The following PTPN9 variants were observed in gnomAD, a reference collection of about 807,000 sequenced individuals.
PTPN9 encodes the protein tyrosine-protein phosphatase non-receptor type 9.
Under a neutral mutation model 69.8 loss-of-function variants are expected in PTPN9, and 26 were observed. That is an observed-to-expected ratio of 0.37 (90% confidence interval 0.27 to 0.52). PTPN9 has a LOEUF of 0.52. Among genes scored for constraint, PTPN9 ranks in the 20% least tolerant of loss-of-function variants. The probability of loss-of-function intolerance (pLI) is 0.91; values close to 1 mark genes in which losing one functional copy is unlikely to be tolerated. For synonymous variants in PTPN9, 274 were observed against 272.5 expected (o/e 1.01, Z -0.05); for missense variants, 549 against 740.3 (o/e 0.74, Z 3.00).
rs2141312909 is a variant in PTPN9 at position 75,508,904 on chromosome 15, A to G, written c.639+13T>C. The G allele has an allele frequency of 6.3e-7, 1 of 1,594,010 alleles. No homozygotes were observed. The highest frequency in any genetic ancestry group is 8.6e-7 in the Non-Finnish European group (1 of 1,162,872). On this transcript the variant is annotated intron_variant, in intron 6 of 12. Transcript: ENST00000618819. The stretch of plus-strand genomic sequence containing the variant: ...TATTCACCTCCAGATAAAAAAGGGC[A>G]AGCTTGCCTTACCCTCTCCCGGACT...
rs779982140 is a variant in PTPN9 at position 75,473,754 on chromosome 15, A to T, written c.1143T>A (p.Asn381Lys). 1 of 1,576,576 alleles carries T rather than the reference A, an allele frequency of 6.3e-7. No homozygotes were observed. The highest frequency in any genetic ancestry group is 8.7e-7 in the Non-Finnish European group (1 of 1,145,870). ...CCATGAGCCAGAAATCACGATAGGT[A>T]TTCTCCAAAGGACCTGAAATAAAAG... The part of the protein sequence containing the change: ...AYIGTQGPLE[N>K]TYRDFWLMVW... Residue 381 changes from asparagine (N) to lysine (K), a missense_variant, in exon 10 of 13, where the codon AAT becomes AAA. Asn to Lys is a moderately conservative substitution (Grantham distance 94). Coordinates refer to ENST00000618819, the MANE Select transcript of PTPN9 (RefSeq NM_002833.4).
At chr15:75,496,498 CTTTT>C (rs34799690) in intron 7 of PTPN9, among the ~76,000 whole-genome samples, 3 of 146,688 alleles carry the variant, frequency 2.0e-5, no homozygotes, top group Non-Finnish European at 3.0e-5. Context: ...GTATTATTAA[CTTTT>C]TTTTTTTTTT....
At chr15:75,559,735 C>A (rs1469336039) in intron 1 of PTPN9, among the ~76,000 whole-genome samples, 11 of 148,230 alleles carry the variant, frequency 7.4e-5, no homozygotes, top group Admixed American at 5.4e-4. Context: ...CCTGCCAAAT[C>A]CCCCTCTGCG....
At position 75,578,816 on chromosome 15, in the gene PTPN9, G is replaced by T. The variant is rs954566037; in HGVS notation, c.-40C>A. 2,468 of 1,192,620 alleles carry T rather than the reference G, an allele frequency of 2.1e-3. 6 individuals carry two copies. The highest frequency in any genetic ancestry group is 2.4e-3 in the Non-Finnish European group (2,270 of 959,738). 73.9% of individuals were successfully genotyped at this position (1,192,620 alleles called of 1,614,324 possible). A position where few individuals can be genotyped will look rare whatever the true frequency, so the allele number is the denominator to read the frequency against. On this transcript the variant is annotated 5_prime_UTR_variant, in exon 1 of 13. Transcript: ENST00000618819. ...CGCCGGGCGGACAAAACTCGCTCGC[G>T]AGCGCGGGAGCCCGGCGCGCTCGGC...
At chr15:75,568,674 G>GA (rs112208881) in intron 1 of PTPN9, among the ~76,000 whole-genome samples, 29,220 of 138,774 alleles carry the variant, frequency 0.21, 3,256 homozygotes, top group Non-Finnish European at 0.27. Context: ...CATCTCTTTA[G>GA]AAAAAAAAAA....
chr15:75,491,386 A>G lies in PTPN9; in HGVS notation c.969-1085T>C, dbSNP rs368892823. ...CCACTGCACTCCAGCCTGAGTGACAAAGCAAGACTTTATCTCAAAAAAAAA... is the reference window on the plus strand; with the variant it reads ...CCACTGCACTCCAGCCTGAGTGACAGAGCAAGACTTTATCTCAAAAAAAAA... On this transcript the variant is annotated intron_variant, in intron 7 of 12. Transcript: ENST00000618819. 2.5e-4 allele frequency among the ~76,000 whole-genome samples: 37 copies of G among 150,612 alleles called. 1 individual carries two copies. The East Asian group carries it at 2.5e-3, about 10-fold the overall frequency.
rs899898687 is a variant in PTPN9 at position 75,466,540 on chromosome 15, C to T, written c.*2229G>A. Reference sequence around the variant, plus strand: ...GTACGCTGCAGACATGAGGACCCTACATCAGGAGGTCCTAGCTAGGACAGT... The same window carrying T: ...GTACGCTGCAGACATGAGGACCCTATATCAGGAGGTCCTAGCTAGGACAGT... On this transcript the variant is annotated 3_prime_UTR_variant, in exon 13 of 13. Coordinates refer to ENST00000618819, the MANE Select transcript of PTPN9 (RefSeq NM_002833.4). 1.3e-5 allele frequency: 2 copies of T among 152,192 alleles called. No individual in the cohort carries two copies. Among genetic ancestry groups the T allele is most frequent in the Non-Finnish European group, 2.9e-5 (2 of 68,026 alleles). 9.4% of individuals were successfully genotyped at this position (152,192 alleles called of 1,614,324 possible). A position where few individuals can be genotyped will look rare whatever the true frequency, so the allele number is the denominator to read the frequency against.
Position 75,499,399 on chromosome 15 carries a change from CT to C in PTPN9, c.968+6275del, listed in dbSNP as rs71440245. ...ATGGCAACAAGACGATCTAAACCCA[CT>C]TTTTTTTTTTTTTTTTTTTTTTTGA... On this transcript the variant is annotated intron_variant, in intron 7 of 12. Transcript: ENST00000618819. 2.1e-3 allele frequency among the ~76,000 whole-genome samples: 175 copies of C among 84,522 alleles called. 1 individual carries two copies. The highest frequency in any genetic ancestry group is 2.5e-3 in the Admixed American group (17 of 6,768). 55.4% of individuals were successfully genotyped at this position (84,522 alleles called of 152,430 possible). A position where few individuals can be genotyped will look rare whatever the true frequency, so the allele number is the denominator to read the frequency against.
rs192954004 is a variant in PTPN9, at chr15:75,490,215, T to C, written c.1055A>G (p.His352Arg). 1 of 1,608,144 alleles carries C rather than the reference T, an allele frequency of 6.2e-7. No individual in the cohort carries two copies. Among genetic ancestry groups the C allele is most frequent in the Admixed American group, 1.7e-5 (1 of 60,008 alleles). ...TRVKLTKRSG[H>R]TQTDYINASF... is the part of the protein sequence containing the mutation. ...TTACATTTATCTGTCTACCTGAGTA[T>C]GGCCACTTCGCTTTGTTAGCTTCAC... The change falls in exon 8 of 13, where the codon CAT (histidine) becomes CGT (arginine). Residue 352 changes from histidine (H) to arginine (R), a missense_variant. By Grantham distance (29) the His-to-Arg change is conservative. Transcript: ENST00000618819.
At chr15:75,565,455 A>T (rs993613977) in intron 1 of PTPN9, among the ~76,000 whole-genome samples, 1 of 152,202 alleles carries the variant, frequency 6.6e-6, no homozygotes, top group African/African-American at 2.4e-5. Context: ...TTTTGACCAG[A>T]TAATTCTCTG....
At chr15:75,489,707 A>G (rs973781152) in intron 8 of PTPN9, among the ~76,000 whole-genome samples, 2 of 152,368 alleles carry the variant, frequency 1.3e-5, no homozygotes, top group East Asian at 3.9e-4. Flanking sequence ...GGCTTTTAAC[A>G]TGTAGATATA....
intron 3 of PTPN9, 75 bp downstream of exon 3, chr15:75,524,134 A>C (rs1038233172): frequency 1.2e-5 from 9 of 729,592 alleles, no homozygotes; most frequent in South Asian, 1.1e-4. Context: ...AAAAAAAAAA[A>C]AACAAAGTCC....
Position 75,579,007 on chromosome 15 carries a change from T to G in PTPN9, c.-231A>C. 1 of 261,684 alleles carries G rather than the reference T, an allele frequency of 3.8e-6. No homozygotes were observed. Among genetic ancestry groups the G allele is most frequent in the East Asian group, 7.2e-5 (1 of 13,938 alleles). 16.2% of individuals were successfully genotyped at this position (261,684 alleles called of 1,614,324 possible). The stretch of plus-strand genomic sequence containing the variant: ...CGGGAGGAAATCCTTTTTTATATTA[T>G]TCGCTCCGTTCCTCACACTCCCCCT... On this transcript the variant is annotated 5_prime_UTR_variant, in exon 1 of 13. Coordinates refer to ENST00000618819, the MANE Select transcript of PTPN9 (RefSeq NM_002833.4).
At chr15:75,563,279 C>G (rs1315291204) in intron 1 of PTPN9, among the ~76,000 whole-genome samples, 14 of 152,094 alleles carry the variant, frequency 9.2e-5, no homozygotes, top group Non-Finnish European at 1.3e-4. Context: ...ACCTCTGCCT[C>G]CCGGGTTCAA....
chr15:75,506,035 TG>T (rs1393163319), intron 6 of PTPN9, 32 bp from the exon 7 acceptor site: 3 of 1,520,260 alleles, frequency 2.0e-6, no homozygotes, highest in Non-Finnish European at 2.7e-6. Context: ...TGTGAGTATG[TG>T]GGAGGAGGGA....
chr15:75,487,108 T>C (rs960721460), intron 8 of PTPN9, among the ~76,000 whole-genome samples: 7 of 152,018 alleles, frequency 4.6e-5, no homozygotes, highest in Admixed American at 4.6e-4. Flanking sequence ...ATTAACTAGC[T>C]TGACTTAGTG....
rs145900943 is a variant in PTPN9, at chr15:75,497,094, TATC to T, written c.969-6796_969-6794del. Among the ~76,000 whole-genome samples the T allele has an allele frequency of 8.4e-3, 1,276 of 152,240 alleles. 34 individuals are homozygous for T. The East Asian group carries it at 0.1, about 12-fold the overall frequency. On this transcript the variant is annotated intron_variant, in intron 7 of 12. Transcript: ENST00000618819. ...ATAAACAAAATCAACTAGAAAGAAA[TATC>T]ATATTCATACTAGTAGCTGCTTATG...
At chr15:75,485,266 C>T (rs1464245255) in intron 8 of PTPN9, among the ~76,000 whole-genome samples, 1 of 151,010 alleles carries the variant, frequency 6.6e-6, no homozygotes, top group Non-Finnish European at 1.5e-5. Context: ...TATGGAAAAG[C>T]ACAAAAGATT....
At chr15:75,508,338 A>G (rs1048804382) in intron 6 of PTPN9, among the ~76,000 whole-genome samples, 3 of 152,208 alleles carry the variant, frequency 2.0e-5, no homozygotes, top group African/African-American at 7.2e-5. Flanking sequence ...TGTTAGTATT[A>G]TAAGCATGAG....
Sources: gnomAD v4.1 joint callset for allele counts (sites outside exome capture counted in the v4.1 genomes callset) on GRCh38, gnomAD v4.1.1 for gene constraint, MANE v1.5 for transcripts, NCBI Gene and HGNC (gene_info 2026-07-23, HGNC 2026-07-21) for gene names.